SLC15A2: variants seen among roughly 807,000 people sequenced by gnomAD.
SLC15A2 encodes the protein kidney H(+)/peptide cotransporter.
Under a neutral mutation model 95.5 loss-of-function variants are expected in SLC15A2, and 77 were observed. The ratio of observed to expected loss-of-function variants is 0.81; its 90% CI spans 0.67 to 0.97. SLC15A2 has a LOEUF of 0.97. SLC15A2 is among the 50% of genes least tolerant of loss of function. The probability of loss-of-function intolerance (pLI) is 0.00; values close to 1 mark genes in which losing one functional copy is unlikely to be tolerated. For missense variants in SLC15A2, 893 were observed against 874.4 expected (o/e 1.02, Z -0.27); for synonymous variants, 306 against 306.9 (o/e 1.00, Z 0.03).
At position 121,915,290 on chromosome 3, in the gene SLC15A2, T is replaced by C; in HGVS notation, c.592T>C (p.Ser198Pro). Residue 198 changes from serine (S) to proline (P), a missense_variant, in exon 6 of 22, where the codon TCT becomes CCT. Transcript: ENST00000489711. ...YLSINAGSLI[S>P]TFITPMLRGD... Reference sequence around the variant, plus strand: ...GTCCATCAATGCAGGGAGCTTGATTTCTACATTTATCACACCCATGCTGAG... The same window carrying C: ...GTCCATCAATGCAGGGAGCTTGATTCCTACATTTATCACACCCATGCTGAG... The C allele has an allele frequency of 6.2e-7, 1 of 1,612,762 alleles. No individual in the cohort carries two copies. The highest frequency in any genetic ancestry group is 8.5e-7 in the Non-Finnish European group (1 of 1,179,462).
At chr3:121,911,727 T>G (rs1194704065) in intron 4 of SLC15A2, 61 bp downstream of exon 4, 2 of 1,125,302 alleles carry the variant, frequency 1.8e-6, no homozygotes, top group Non-Finnish European at 2.7e-6. Context: ...CAAATTATTT[T>G]CTGTTTTCTT....
At chr3:121,939,219 G>A (rs759757693) in intron 19 of SLC15A2, 130 bp from the exon 20 acceptor site, 4 of 722,140 alleles carry the variant, frequency 5.5e-6, no homozygotes, top group Non-Finnish European at 8.2e-6. Context: ...GTGTAGAAAT[G>A]CTCAATTTCC....
intron 7 of SLC15A2, among the ~76,000 whole-genome samples, chr3:121,919,415 C>T (rs1369417554): frequency 6.6e-6 from 1 of 152,142 alleles, no homozygotes; most frequent in Non-Finnish European, 1.5e-5. Context: ...AAGCTCTGAG[C>T]TCCTAGAGGG....
intron 13 of SLC15A2, among the ~76,000 whole-genome samples, chr3:121,926,234 A>C (rs143562756): frequency 5.9e-4 from 90 of 152,288 alleles, no homozygotes; most frequent in Admixed American, 1.2e-3. Context: ...TCTCATGTTG[A>C]AATGTAATCC....
chr3:121,923,322 G>C (rs1710047028), intron 11 of SLC15A2, 56 bp downstream of exon 11: 2 of 1,540,178 alleles, frequency 1.3e-6, no homozygotes, highest in East Asian at 2.2e-5. Flanking sequence ...ATCCATATTG[G>C]GGAAAAATTA....
At position 121,896,414 on chromosome 3, in the gene SLC15A2, T is replaced by C; in HGVS notation, c.114T>C (p.Cys38=). Residue 38 remains cysteine, a synonymous_variant, in exon 2 of 22, where the codon TGT becomes TGC. Coordinates refer to ENST00000489711, the MANE Select transcript of SLC15A2 (RefSeq NM_021082.4). ...SPPKKPSPTI[C]GSNYPLSIAF... ...GCCTTCTTGTTGAATAGACAATCTG[T>C]GGCTCCAACTATCCACTGAGCATTG... is the stretch of plus-strand genomic sequence containing the variant. 1 of 1,613,620 alleles carries C rather than the reference T, an allele frequency of 6.2e-7. No individual in the cohort carries two copies. The highest frequency in any genetic ancestry group is 8.5e-7 in the Non-Finnish European group (1 of 1,179,506).
intron 7 of SLC15A2, among the ~76,000 whole-genome samples, chr3:121,920,892 A>G (rs1361814114): frequency 6.6e-6 from 1 of 152,236 alleles, no homozygotes; most frequent in Non-Finnish European, 1.5e-5. Context: ...AGGATCTACT[A>G]GAGGGGCATC....
Position 121,894,443 on chromosome 3 carries a change from TG to T in SLC15A2, c.-33del, listed in dbSNP as rs760733412. 2 of 1,575,520 alleles carry T rather than the reference TG, an allele frequency of 1.3e-6. No homozygotes were observed. The highest frequency in any genetic ancestry group is 2.3e-5 in the South Asian group (2 of 88,414). Reference sequence around the variant, plus strand: ...GTCCTAACTGCCTACTAAAGCCAAATGCTTGAGGAGAGAGAGAGAGTAAGGA... The same window carrying T: ...GTCCTAACTGCCTACTAAAGCCAAATCTTGAGGAGAGAGAGAGAGTAAGGA... On this transcript the variant is annotated 5_prime_UTR_variant, in exon 1 of 22. An upstream start codon of the reference 5' UTR is lost. Transcript: ENST00000489711.
In SLC15A2 at chr3:121,923,213, T is replaced by G. The variant is rs768980072; in HGVS notation, c.958-9T>G. ...AGGGATTTCTCATAACAGGATCTGTTTGCCCTAGGGTTCACGATGGACTTT... is the reference window on the plus strand; with the variant it reads ...AGGGATTTCTCATAACAGGATCTGTGTGCCCTAGGGTTCACGATGGACTTT... On this transcript the variant is annotated splice_polypyrimidine_tract_variant and intron_variant, in intron 10 of 21. Transcript: ENST00000489711. 1.2e-6 allele frequency: 2 copies of G among 1,613,874 alleles called. No individual in the cohort carries two copies. The highest frequency in any genetic ancestry group is 1.7e-6 in the Non-Finnish European group (2 of 1,179,886).
intron 13 of SLC15A2, among the ~76,000 whole-genome samples, chr3:121,925,777 T>TATATAC (rs1710109199): frequency 2.8e-5 from 1 of 35,266 alleles, no homozygotes; most frequent in African/African-American, 1.2e-4. Flanking sequence ...TATATATATA[T>TATATAC]ATATAAAATA....
rs1710471100 is a variant in SLC15A2, at chr3:121,941,944, A to C, written c.*937A>C. ...CTTATTGCAGCAAATATTCAATAACAACAATGTTTCTATAAGTCCAACTTC... is the reference window on the plus strand; with the variant it reads ...CTTATTGCAGCAAATATTCAATAACCACAATGTTTCTATAAGTCCAACTTC... On this transcript the variant is annotated 3_prime_UTR_variant, in exon 22 of 22. Coordinates refer to ENST00000489711, the MANE Select transcript of SLC15A2 (RefSeq NM_021082.4). The C allele has an allele frequency of 6.6e-6, 1 of 152,232 alleles. No individual in the cohort carries two copies. The highest frequency in any genetic ancestry group is 2.1e-4 in the South Asian group (1 of 4,830). The allele number at this position is 152,232 out of a possible 1,614,324, so 9.4% of individuals were successfully genotyped here.
chr3:121,940,467 A>T lies in SLC15A2; in HGVS notation c.1992A>T (p.Ala664=). 6.2e-7 allele frequency: 1 copy of T among 1,613,956 alleles called. No homozygotes were observed. Among genetic ancestry groups the T allele is most frequent in the South Asian group, 1.1e-5 (1 of 91,072 alleles). The change falls in exon 21 of 22, where the codon GCA becomes GCT. Residue 664 remains alanine (A), a synonymous_variant. Transcript: ENST00000489711. ...GGAATATCATCGTGCTTGTTGTGGCACAGTTCAGTGGCCTGGTACAGGTAT... is the reference window on the plus strand; with the variant it reads ...GGAATATCATCGTGCTTGTTGTGGCTCAGTTCAGTGGCCTGGTACAGGTAT... ...AVGNIIVLVV[A]QFSGLVQWAE...
At chr3:121,906,679 T>C (rs1000289445) in intron 3 of SLC15A2, among the ~76,000 whole-genome samples, 18 of 152,196 alleles carry the variant, frequency 1.2e-4, no homozygotes, top group Non-Finnish European at 2.6e-4. Flanking sequence ...GAATGTTGAA[T>C]ATTGGCCCCC....
chr3:121,911,651 G>A lies in SLC15A2; in HGVS notation c.413G>A (p.Gly138Glu), dbSNP rs1241090691. 5 of 1,610,400 alleles carry A rather than the reference G, an allele frequency of 3.1e-6. No homozygotes were observed. Among genetic ancestry groups the A allele is most frequent in the South Asian group, 2.2e-5 (2 of 90,996 alleles). The change falls in exon 4 of 22, where the codon GGA (glycine) becomes GAA (glutamate). Residue 138 changes from glycine (G) to glutamate (E), a missense_variant. Gly to Glu is a moderately conservative substitution (Grantham distance 98, BLOSUM62 -2). Transcript: ENST00000489711. ...KSLGALPILGGQVVHTVLSLI... is the reference protein window; with the variant it reads ...KSLGALPILGEQVVHTVLSLI... ...TTGGGTGCCTTACCAATACTGGGAG[G>A]ACAAGTGGTACACACGTGAGTAAAA...
chr3:121,924,205 GC>G (rs1321584120), intron 11 of SLC15A2, 145 bp from the exon 12 acceptor site: 2 of 678,980 alleles, frequency 2.9e-6, no homozygotes, highest in Non-Finnish European at 5.2e-6. Context: ...AATCTTAACA[GC>G]AAAATAGTGG....
At chr3:121,915,171 A>G in intron 5 of SLC15A2, 56 bp from the exon 6 acceptor site, 2 of 1,363,236 alleles carry the variant, frequency 1.5e-6, no homozygotes, top group South Asian at 2.4e-5. Flanking sequence ...CTGAACGTGG[A>G]GTGGGGCTGG....
At chr3:121,920,313 T>G (rs1709979044) in intron 7 of SLC15A2, among the ~76,000 whole-genome samples, 1 of 152,204 alleles carries the variant, frequency 6.6e-6, no homozygotes, top group Non-Finnish European at 1.5e-5. Flanking sequence ...TTACTTTTTT[T>G]GGAGACATAG....
chr3:121,903,611 C>G (rs554535274), intron 3 of SLC15A2, among the ~76,000 whole-genome samples: 59 of 152,238 alleles, frequency 3.9e-4, no homozygotes, highest in African/African-American at 1.4e-3. Flanking sequence ...ATAGGGAATC[C>G]TTTCCCCATT....
At chr3:121,925,530 TC>T (rs2107599306) in intron 13 of SLC15A2, among the ~76,000 whole-genome samples, 1 of 151,686 alleles carries the variant, frequency 6.6e-6, no homozygotes, top group South Asian at 2.1e-4. Flanking sequence ...AAAGAAAGTT[TC>T]AAGCCTTCTT....
Sources: gnomAD v4.1 joint callset for allele counts (sites outside exome capture counted in the v4.1 genomes callset) on GRCh38, gnomAD v4.1.1 for gene constraint, MANE v1.5 for transcripts, NCBI Gene and HGNC (gene_info 2026-07-23, HGNC 2026-07-21) for gene names.